The following CAPN3 variants were observed in gnomAD, a reference collection of about 807,000 sequenced individuals.
CAPN3 encodes the protein calpain-3.
In CAPN3, 88 loss-of-function variants were observed where a neutral mutation model predicts 114.0. The observed-to-expected ratio is 0.77, with a 90% CI of 0.65 to 0.92. The LOEUF is 0.92. CAPN3 is among the 40% of genes least tolerant of loss of function. The pLI is 0.00. For missense variants in CAPN3, 1,028 were observed against 1,069.0 expected (o/e 0.96, Z 0.53); for synonymous variants, 386 against 382.9 (o/e 1.01, Z -0.09).
intron 15 of CAPN3, among the ~76,000 whole-genome samples, 186 bp from the exon 16 acceptor site, chr15:42,408,025 G>T (rs1271311788): frequency 6.6e-6 from 1 of 152,196 alleles, no homozygotes; most frequent in Non-Finnish European, 1.5e-5. Context: ...GGTATGAAAA[G>T]ATAAAGAACT....
At chr15:42,383,341 C>A (rs966079391) in intron 1 of CAPN3, among the ~76,000 whole-genome samples, 2 of 152,188 alleles carry the variant, frequency 1.3e-5, no homozygotes, top group Non-Finnish European at 2.9e-5. Flanking sequence ...GTAATCCCAG[C>A]ACTTTGGGAG....
chr15:42,382,524 A>G lies in CAPN3; in HGVS notation c.310-1959A>G, dbSNP rs930654781. Among the ~76,000 whole-genome samples, 5 of 152,132 alleles carry G rather than the reference A, an allele frequency of 3.3e-5. No homozygotes were observed. In the South Asian group the frequency reaches 8.3e-4, roughly 25 times the overall value. ...GCTGGGACTATAGGCATGCGCCACC[A>G]TGTCCAACTAATCCTTTTAATCTTT... On this transcript the variant is annotated intron_variant, in intron 1 of 23. Transcript: ENST00000397163.
At chr15:42,397,202 T>A (rs2053720042) in intron 9 of CAPN3, among the ~76,000 whole-genome samples, 1 of 152,170 alleles carries the variant, frequency 6.6e-6, no homozygotes, top group African/African-American at 2.4e-5. Flanking sequence ...ACCCTGATCT[T>A]CCAACGTCAA....
chr15:42,364,158 T>A (rs1002945152), intron 1 of CAPN3, among the ~76,000 whole-genome samples: 1 of 152,200 alleles, frequency 6.6e-6, no homozygotes, highest in African/African-American at 2.4e-5. Flanking sequence ...AATGGCACAG[T>A]GGCTAAGAGC....
In CAPN3 at chr15:42,410,460, G is replaced by A. The variant is rs770894443; in HGVS notation, c.2148G>A (p.Glu716=). 1.2e-6 allele frequency: 2 copies of A among 1,614,146 alleles called. No homozygotes were observed. The highest frequency in any genetic ancestry group is 1.6e-4 in the Middle Eastern group (1 of 6,062). Residue 716 remains glutamate (E), a synonymous_variant, in exon 20 of 24, where the codon GAG becomes GAA. Coordinates refer to ENST00000397163, the MANE Select transcript of CAPN3 (RefSeq NM_000070.3). The part of the protein sequence containing the change: ...TDGSGKLNLQ[E]FHHLWNKIKA... ...GCTCTGGAAAGCTCAACCTGCAGGAGTTCCACCACCTCTGGAACAAGATTA... is the reference window on the plus strand; with the variant it reads ...GCTCTGGAAAGCTCAACCTGCAGGAATTCCACCACCTCTGGAACAAGATTA...
rs186294688 is a variant in CAPN3, at chr15:42,394,375, C to T, written c.1115+34C>T. 28 of 1,506,574 alleles carry T rather than the reference C, an allele frequency of 1.9e-5. No homozygotes were observed. In the African/African-American group the frequency reaches 2.2e-4, roughly 12 times the overall value. 93.3% of individuals were successfully genotyped at this position (1,506,574 alleles called of 1,614,324 possible). On this transcript the variant is annotated intron_variant, in intron 8 of 23. Transcript: ENST00000397163. ...GGGGACCCCACGGGATTGGCGGTGG[C>T]GGGGAACAGGGTCCGGGACAAGGCT...
At chr15:42,410,340 G>A in intron 19 of CAPN3, 88 bp from the exon 20 acceptor site, 1 of 1,171,250 alleles carries the variant, frequency 8.5e-7, no homozygotes, top group Non-Finnish European at 1.3e-6. Flanking sequence ...AGGGCAGTGG[G>A]TAGGACAGCC....
intron 1 of CAPN3, among the ~76,000 whole-genome samples, chr15:42,369,427 C>T (rs763503618): frequency 1.1e-4 from 16 of 151,730 alleles, no homozygotes; most frequent in Admixed American, 3.9e-4. Flanking sequence ...ACTTGAGCTA[C>T]GGAGGTTGGG....
At position 42,409,347 on chromosome 15, in the gene CAPN3, A is replaced by G. The variant is rs749233319; in HGVS notation, c.1959A>G (p.Gln653=). The G allele has an allele frequency of 1.9e-6, 3 of 1,613,812 alleles. No individual in the cohort carries two copies. Among genetic ancestry groups the G allele is most frequent in the South Asian group, 2.2e-5 (2 of 91,062 alleles). Residue 653 remains glutamine, a synonymous_variant, in exon 17 of 24, where the codon CAA becomes CAG. Transcript: ENST00000397163. ...ATCAGGAAAGTGAGGAACAGCAACA[A>G]TTCCGGAACATTTTCAAGCAGATAG... is the stretch of plus-strand genomic sequence containing the variant. ...SSDQESEEQQ[Q]FRNIFKQIAG... is the part of the protein sequence containing the mutation.
At chr15:42,408,379 T>A (rs2054090517) in intron 16 of CAPN3, 55 bp downstream of exon 16, 2 of 1,112,442 alleles carry the variant, frequency 1.8e-6, no homozygotes, top group Non-Finnish European at 2.7e-6. Context: ...GGGCTTCCTA[T>A]GCGCTTGGGA....
rs570281448 is a variant in CAPN3, at chr15:42,411,880, A to G, written c.*107A>G. Reference sequence around the variant, plus strand: ...AAGGACCCAGCAGCTACACCCCTACAGGCTTCCAGGCACCTCATCAGTCAT... The same window carrying G: ...AAGGACCCAGCAGCTACACCCCTACGGGCTTCCAGGCACCTCATCAGTCAT... On this transcript the variant is annotated 3_prime_UTR_variant, in exon 24 of 24. Coordinates refer to ENST00000397163, the MANE Select transcript of CAPN3 (RefSeq NM_000070.3). 1.1e-5 allele frequency: 17 copies of G among 1,596,672 alleles called. No homozygotes were observed. In the African/African-American group the frequency reaches 1.6e-4, roughly 15 times the overall value.
intron 1 of CAPN3, among the ~76,000 whole-genome samples, chr15:42,374,794 CTTTTT>C (rs66487749): frequency 1.2e-5 from 1 of 85,400 alleles, no homozygotes; most frequent in East Asian, 3.5e-4. Context: ...TATCATGTCT[CTTTTT>C]TTTTTTTTTT....
At chr15:42,392,101 G>C (rs941923870) in intron 6 of CAPN3, among the ~76,000 whole-genome samples, 7 of 152,082 alleles carry the variant, frequency 4.6e-5, no homozygotes, top group African/African-American at 1.7e-4. Flanking sequence ...GGAGGCAGAG[G>C]TTGCAGTGAG....
intron 12 of CAPN3, chr15:42,402,556 C>G (rs2053902846): frequency 6.8e-7 from 1 of 1,466,786 alleles, no homozygotes; most frequent in African/African-American, 1.4e-5. Flanking sequence ...AGCAGCTGTT[C>G]TGGTAAGTGT....
At chr15:42,398,009 A>C (rs1363729477) in intron 9 of CAPN3, among the ~76,000 whole-genome samples, 1 of 152,118 alleles carries the variant, frequency 6.6e-6, no homozygotes, top group East Asian at 1.9e-4. Context: ...CAACAGAGCA[A>C]GACACTGTCT....
At chr15:42,361,922 T>C (rs1042774940) in intron 1 of CAPN3, among the ~76,000 whole-genome samples, 2 of 152,244 alleles carry the variant, frequency 1.3e-5, no homozygotes, top group Admixed American at 1.3e-4. Flanking sequence ...AGGTGTCACT[T>C]CCTTCAATCT....
At chr15:42,406,268 C>T (rs2054017751) in intron 15 of CAPN3, among the ~76,000 whole-genome samples, 1 of 152,030 alleles carries the variant, frequency 6.6e-6, no homozygotes, top group African/African-American at 2.4e-5. Context: ...CAAGGCCACA[C>T]AGCCAGAGAG....
chr15:42,373,170 G>A (rs929621750), intron 1 of CAPN3, among the ~76,000 whole-genome samples: 2 of 152,144 alleles, frequency 1.3e-5, no homozygotes, highest in African/African-American at 4.8e-5. Flanking sequence ...TCCAGCCTGG[G>A]TGACAGAGCA....
At chr15:42,387,054 C>T (rs1030634559) in intron 3 of CAPN3, among the ~76,000 whole-genome samples, 5 of 152,192 alleles carry the variant, frequency 3.3e-5, no homozygotes, top group African/African-American at 1.2e-4. Flanking sequence ...ACTCCCCCTC[C>T]TGCCGCCTTG....
Sources: allele counts gnomAD v4.1 joint callset (sites outside exome capture counted in the v4.1 genomes callset), GRCh38; gene constraint gnomAD v4.1.1; transcripts MANE v1.5; gene names NCBI Gene and HGNC (gene_info 2026-07-23, HGNC 2026-07-21).